The following DLG2 variants were observed in gnomAD, a reference collection of about 807,000 sequenced individuals.
The protein encoded by DLG2 is discs large MAGUK scaffold protein 2.
DLG2 carries 45 observed loss-of-function variants against 132.5 expected under a neutral mutation model. That is an observed-to-expected ratio of 0.34 (90% CI 0.27 to 0.44). DLG2 has a LOEUF of 0.44. DLG2 is among the 20% of genes least tolerant of loss of function. DLG2 has a pLI of 1.00. For synonymous variants in DLG2, 424 were observed against 419.6 expected (o/e 1.01, Z -0.13); for missense variants, 1,045 against 1,196.9 (o/e 0.87, Z 1.87).
chr11:84,973,898 T>C (rs2054481048), intron 6 of DLG2, among the ~76,000 whole-genome samples: 1 of 152,198 alleles, frequency 6.6e-6, no homozygotes, highest in Non-Finnish European at 1.5e-5. Flanking sequence ...TCCTATTTTG[T>C]GTTTTTTCCC....
intron 6 of DLG2, among the ~76,000 whole-genome samples, chr11:85,041,233 T>C (rs573963): frequency 0.19 from 28,481 of 151,872 alleles, 2,946 homozygotes; most frequent in South Asian, 0.31. Context: ...AGTGATACTA[T>C]AAGATATAAA....
intron 6 of DLG2, among the ~76,000 whole-genome samples, chr11:84,832,238 C>A (rs1322394388): frequency 1.3e-5 from 2 of 151,630 alleles, no homozygotes; most frequent in African/African-American, 4.8e-5. Context: ...GCACCAGAAA[C>A]TTAAATCTTT....
At chr11:84,045,407 A>T (rs1314196292) in intron 11 of DLG2, among the ~76,000 whole-genome samples, 1 of 151,772 alleles carries the variant, frequency 6.6e-6, no homozygotes, top group Non-Finnish European at 1.5e-5. Flanking sequence ...ACAATATTAC[A>T]TTCAATAGAG....
At chr11:84,945,350 G>A (rs1014563172) in intron 6 of DLG2, among the ~76,000 whole-genome samples, 38 of 152,146 alleles carry the variant, frequency 2.5e-4, no homozygotes, top group African/African-American at 8.7e-4. Flanking sequence ...TGAGATCCAG[G>A]AGAATTCCTG....
chr11:85,249,423 CAT>C (rs1489783526), intron 4 of DLG2, among the ~76,000 whole-genome samples: 1 of 151,406 alleles, frequency 6.6e-6, no homozygotes, highest in African/African-American at 2.4e-5. Context: ...ATCATGTGTG[CAT>C]ATATATATTA....
chr11:83,740,049 G>A (rs1297983358), intron 18 of DLG2, among the ~76,000 whole-genome samples: 2 of 151,962 alleles, frequency 1.3e-5, no homozygotes, highest in Admixed American at 1.3e-4. Context: ...AGACAGCACA[G>A]AGCACAATGC....
At chr11:84,578,523 A>G (rs1394606056) in intron 6 of DLG2, among the ~76,000 whole-genome samples, 1 of 152,046 alleles carries the variant, frequency 6.6e-6, no homozygotes, top group Non-Finnish European at 1.5e-5. Context: ...TGACTGCCCC[A>G]CTGGATTTTG....
In DLG2 at chr11:85,217,318, T is replaced by TCACACACA. The variant is rs56718906; in HGVS notation, c.187-62675_187-62668dup. 6.8e-3 allele frequency among the ~76,000 whole-genome samples: 985 copies of TCACACACA among 144,012 alleles called. 6 individuals are homozygous for TCACACACA. Among genetic ancestry groups the TCACACACA allele is most frequent in the African/African-American group, 0.015 (563 of 38,594 alleles). The allele number at this position is 144,012 out of a possible 152,430, so 94.5% of individuals were successfully genotyped here. On this transcript the variant is annotated intron_variant, in intron 4 of 27. Coordinates refer to ENST00000376104, the MANE Select transcript of DLG2 (RefSeq NM_001142699.3). ...CCATCACCTAGATTCTCTCTCTCTCTCACACACACACACACACACACACAC... is the reference window on the plus strand; with the variant it reads ...CCATCACCTAGATTCTCTCTCTCTCTCACACACACACACACACACACACACACACACAC...
At chr11:84,108,824 T>C (rs914582177) in intron 9 of DLG2, among the ~76,000 whole-genome samples, 48 of 152,104 alleles carry the variant, frequency 3.2e-4, no homozygotes, top group African/African-American at 1.1e-3. Flanking sequence ...CAGAAATTGA[T>C]GGCATCTGAA....
chr11:84,225,943 T>C (rs899830776), intron 8 of DLG2, among the ~76,000 whole-genome samples: 1 of 152,138 alleles, frequency 6.6e-6, no homozygotes, highest in African/African-American at 2.4e-5. Context: ...AACAAGTAGC[T>C]GGGATTACAG....
At chr11:84,019,313 G>A (rs77974969) in intron 11 of DLG2, among the ~76,000 whole-genome samples, 1,848 of 152,140 alleles carry the variant, frequency 0.012, 34 homozygotes, top group African/African-American at 0.041. Context: ...ATTCTAGAAG[G>A]CAGAGTTTTG....
chr11:83,485,084 A>T (rs1448473119), intron 21 of DLG2, among the ~76,000 whole-genome samples: 1 of 151,980 alleles, frequency 6.6e-6, no homozygotes, highest in African/African-American at 2.4e-5. Flanking sequence ...AACTTATCAA[A>T]GGAAAAATGG....
At chr11:85,395,648 C>T (rs1368873980) in intron 3 of DLG2, among the ~76,000 whole-genome samples, 2 of 152,188 alleles carry the variant, frequency 1.3e-5, no homozygotes, top group Non-Finnish European at 2.9e-5. Flanking sequence ...GAGACTTGCT[C>T]ACTGCTAGCA....
intron 18 of DLG2, among the ~76,000 whole-genome samples, chr11:83,657,716 A>T (rs1312641090): frequency 1.1e-4 from 17 of 151,028 alleles, no homozygotes; most frequent in South Asian, 4.2e-4. Flanking sequence ...TTTTTTTTGT[A>T]TTTTTAGTAG....
At chr11:83,484,740 T>C (rs1039321775) in intron 21 of DLG2, among the ~76,000 whole-genome samples, 1 of 148,720 alleles carries the variant, frequency 6.7e-6, no homozygotes, top group Non-Finnish European at 1.5e-5. Flanking sequence ...TCTTAGTGTC[T>C]TGATGTCTTT....
intron 8 of DLG2, among the ~76,000 whole-genome samples, chr11:84,245,214 C>G (rs78716718): frequency 0.049 from 7,419 of 152,278 alleles, 275 homozygotes; most frequent in Non-Finnish European, 0.076. Flanking sequence ...CACTGACACT[C>G]ATGTGTTCAG....
chr11:84,860,646 A>T (rs939469447), intron 6 of DLG2, among the ~76,000 whole-genome samples: 3 of 152,168 alleles, frequency 2.0e-5, no homozygotes, highest in African/African-American at 7.2e-5. Flanking sequence ...ATAATAATAA[A>T]GGACACCTGT....
chr11:84,913,324 A>G (rs2092243667), intron 6 of DLG2, among the ~76,000 whole-genome samples: 1 of 152,218 alleles, frequency 6.6e-6, no homozygotes. Context: ...TGTTAGAACT[A>G]CAATGGCAAT....
intron 18 of DLG2, among the ~76,000 whole-genome samples, chr11:83,702,084 G>A (rs2083052569): frequency 1.3e-5 from 2 of 152,116 alleles, no homozygotes; most frequent in Non-Finnish European, 2.9e-5. Flanking sequence ...ATCTTGCCAG[G>A]GACTTACCCC....
Sources: allele counts gnomAD v4.1 joint callset (sites outside exome capture counted in the v4.1 genomes callset), GRCh38; gene constraint gnomAD v4.1.1; transcripts MANE v1.5; gene names NCBI Gene and HGNC (gene_info 2026-07-23, HGNC 2026-07-21).